Variants in ANO4 observed in about 807,000 individuals in gnomAD.
The protein encoded by ANO4 is anoctamin 4.
Under a neutral mutation model 141.9 loss-of-function variants are expected in ANO4, and 69 were observed. The observed-to-expected ratio is 0.49, with a 90% confidence interval of 0.40 to 0.59. The LOEUF is 0.59. Among genes scored for constraint, ANO4 ranks in the 20% least tolerant of loss-of-function variants. ANO4 has a pLI of 0.00. For missense variants in ANO4, 894 were observed against 1,162.2 expected (o/e 0.77, Z 3.36); for synonymous variants, 350 against 394.3 (o/e 0.89, Z 1.33).
chr12:100,866,419 G>A (rs768416366), intron 1 of ANO4, among the ~76,000 whole-genome samples: 28 of 152,150 alleles, frequency 1.8e-4, no homozygotes, highest in Admixed American at 7.2e-4. Context: ...TGGCTGGATG[G>A]CGGTGACCCA....
chr12:100,834,450 C>G (rs537670669), intron 1 of ANO4, among the ~76,000 whole-genome samples: 1 of 152,248 alleles, frequency 6.6e-6, no homozygotes, highest in African/African-American at 2.4e-5. Flanking sequence ...ACCCTTCAAA[C>G]TCTGGAAATT....
intron 1 of ANO4, among the ~76,000 whole-genome samples, chr12:100,802,206 G>C (rs1195950780): frequency 1.3e-5 from 2 of 152,158 alleles, no homozygotes; most frequent in Non-Finnish European, 2.9e-5. Context: ...TAAAAATTTA[G>C]TTATTTTTTT....
At chr12:101,034,764 C>T (rs2047127283) in intron 9 of ANO4, among the ~76,000 whole-genome samples, 1 of 152,002 alleles carries the variant, frequency 6.6e-6, no homozygotes, top group Admixed American at 6.5e-5. Context: ...AAGATATGAA[C>T]AGACATTTCA....
At chr12:100,745,302 G>C (rs537858670) in intron 3 of ANO4, among the ~76,000 whole-genome samples, 1 of 152,182 alleles carries the variant, frequency 6.6e-6, no homozygotes, top group African/African-American at 2.4e-5. Context: ...TTAAGAGTTT[G>C]TGAATTCTTT....
At chr12:100,946,966 T>A (rs941142954) in intron 5 of ANO4, among the ~76,000 whole-genome samples, 1 of 152,140 alleles carries the variant, frequency 6.6e-6, no homozygotes, top group African/African-American at 2.4e-5. Flanking sequence ...ATTATTGGAT[T>A]TAGCAATATG....
At chr12:100,875,398 C>A (rs1415209177) in intron 1 of ANO4, among the ~76,000 whole-genome samples, 1 of 152,194 alleles carries the variant, frequency 6.6e-6, no homozygotes, top group Non-Finnish European at 1.5e-5. Flanking sequence ...TACATCACTT[C>A]TGACCAGAAC....
intron 1 of ANO4, among the ~76,000 whole-genome samples, chr12:100,832,759 T>C (rs2036695362): frequency 6.6e-6 from 1 of 152,142 alleles, no homozygotes; most frequent in Admixed American, 6.6e-5. Context: ...ACCAATTTTA[T>C]CTGAACACAA....
chr12:100,933,454 C>A lies in ANO4; in HGVS notation c.161-5861C>A, dbSNP rs2042162810. Among the ~76,000 whole-genome samples the A allele has an allele frequency of 2.0e-5, 3 of 152,114 alleles. No homozygotes were observed. In the South Asian group the frequency reaches 6.2e-4, roughly 32 times the overall value. ...TCCCTGCAAAGGACGTGAACTCATC[C>A]TTTTTTATGGCTGCATAGTATTCCG... On this transcript the variant is annotated intron_variant, in intron 3 of 27. Transcript: ENST00000392977.
In ANO4 at chr12:100,874,205, T is replaced by C. The variant is rs539343039; in HGVS notation, c.-140-27441T>C. On this transcript the variant is annotated intron_variant, in intron 1 of 27. Coordinates refer to ENST00000392977, the MANE Select transcript of ANO4 (RefSeq NM_001286615.2). ...TCATGGAGAACCTCTACTAGGGCAG[T>C]GTGGAGGGAAAATGTGAGGTTGGAG... is the stretch of plus-strand genomic sequence containing the variant. 5.9e-5 allele frequency among the ~76,000 whole-genome samples: 9 copies of C among 152,302 alleles called. No homozygotes were observed. The South Asian group carries it at 1.4e-3, about 25-fold the overall frequency.
chr12:100,762,842 C>T (rs1196460510), intron 3 of ANO4, among the ~76,000 whole-genome samples: 5 of 152,228 alleles, frequency 3.3e-5, no homozygotes, highest in South Asian at 4.1e-4. Flanking sequence ...GCAGGGAGTT[C>T]TTCCTGTTTA....
At chr12:101,039,579 A>G (rs1329940308) in intron 10 of ANO4, among the ~76,000 whole-genome samples, 1 of 152,242 alleles carries the variant, frequency 6.6e-6, no homozygotes, top group Non-Finnish European at 1.5e-5. Context: ...CCCCTGGGCC[A>G]GACACTTTAT....
intron 3 of ANO4, among the ~76,000 whole-genome samples, 165 bp downstream of exon 3, chr12:100,922,495 A>G (rs1413619719): frequency 1.3e-5 from 2 of 152,202 alleles, no homozygotes; most frequent in South Asian, 4.1e-4. Flanking sequence ...TAGAAGAGAT[A>G]GTGAAAGAGG....
intron 1 of ANO4, among the ~76,000 whole-genome samples, chr12:100,844,593 G>A (rs752100554): frequency 1.3e-5 from 2 of 152,068 alleles, no homozygotes; most frequent in Non-Finnish European, 2.9e-5. Context: ...ACAGCTCTGT[G>A]GGGTGGTAAG....
chr12:101,115,114 T>A (rs1025528687), intron 24 of ANO4, among the ~76,000 whole-genome samples: 8 of 152,176 alleles, frequency 5.3e-5, no homozygotes, highest in Admixed American at 2.0e-4. Flanking sequence ...AGATCATGAT[T>A]TATTCATTCA....
At chr12:100,804,238 A>T (rs1231938930) in intron 1 of ANO4, among the ~76,000 whole-genome samples, 1 of 152,128 alleles carries the variant, frequency 6.6e-6, no homozygotes, top group Non-Finnish European at 1.5e-5. Context: ...TGCTGAGGAT[A>T]ATGGCTTCCA....
intron 1 of ANO4, among the ~76,000 whole-genome samples, chr12:100,798,589 C>A (rs1470527003): frequency 6.6e-6 from 1 of 152,072 alleles, no homozygotes; most frequent in Non-Finnish European, 1.5e-5. Flanking sequence ...GGGAAAAAAA[C>A]ATGTCCTCAG....
At chr12:100,869,391 T>C (rs1446285142) in intron 1 of ANO4, among the ~76,000 whole-genome samples, 1 of 152,116 alleles carries the variant, frequency 6.6e-6, no homozygotes, top group African/African-American at 2.4e-5. Flanking sequence ...CCTGAGGGAA[T>C]GACCAGCAGG....
At chr12:100,859,873 C>T (rs1356306779) in intron 1 of ANO4, among the ~76,000 whole-genome samples, 1 of 152,036 alleles carries the variant, frequency 6.6e-6, no homozygotes, top group Non-Finnish European at 1.5e-5. Context: ...AATATTTGTA[C>T]AGATATTAAT....
chr12:100,953,145 G>A (rs2043040846), intron 5 of ANO4, among the ~76,000 whole-genome samples: 1 of 152,124 alleles, frequency 6.6e-6, no homozygotes, highest in Non-Finnish European at 1.5e-5. Context: ...GCCACATGTG[G>A]GCATTGTATT....
Sources: allele counts gnomAD v4.1 joint callset (sites outside exome capture counted in the v4.1 genomes callset), GRCh38; gene constraint gnomAD v4.1.1; transcripts MANE v1.5; gene names NCBI Gene and HGNC (gene_info 2026-07-23, HGNC 2026-07-21).